MIPOL1: variants seen among roughly 807,000 people sequenced by gnomAD.
MIPOL1 encodes the protein mirror-image polydactyly 1, also known as mirror-image polydactyly gene 1 protein.
Under a neutral mutation model 60.9 loss-of-function variants are expected in MIPOL1, and 57 were observed. The ratio of observed to expected loss-of-function variants is 0.94; its 90% CI spans 0.76 to 1.17. MIPOL1 has a LOEUF of 1.17. Ranked by LOEUF, MIPOL1 falls within the 50% of genes most tolerant of loss-of-function variation. MIPOL1 has a pLI of 0.00. For synonymous variants in MIPOL1, 179 were observed against 168.8 expected (o/e 1.06, Z -0.47); for missense variants, 551 against 511.6 (o/e 1.08, Z -0.74).
chr14:37,259,237 A>G (rs1192595951), intron 3 of MIPOL1, among the ~76,000 whole-genome samples: 2 of 152,068 alleles, frequency 1.3e-5, no homozygotes, highest in Admixed American at 6.6e-5. Flanking sequence ...CTTCTCTTCA[A>G]TATGTGTACA....
chr14:37,241,941 A>T (rs1006598738), intron 1 of MIPOL1, among the ~76,000 whole-genome samples: 6 of 148,288 alleles, frequency 4.0e-5, no homozygotes, highest in Non-Finnish European at 6.0e-5. Context: ...TTTTTAGTCT[A>T]GTTAATCCAA....
At chr14:37,227,363 GTTAA>G (rs1969918942) in intron 1 of MIPOL1, among the ~76,000 whole-genome samples, 1 of 152,082 alleles carries the variant, frequency 6.6e-6, no homozygotes, top group African/African-American at 2.4e-5. Context: ...TTTAAGTGTA[GTTAA>G]TTATTTAACC....
At chr14:37,385,257 A>T (rs2153514376) in intron 10 of MIPOL1, among the ~76,000 whole-genome samples, 1 of 152,204 alleles carries the variant, frequency 6.6e-6, no homozygotes, top group South Asian at 2.1e-4. Flanking sequence ...TTAATATTTA[A>T]TTGGCTACAT....
At chr14:37,250,329 C>G (rs2153361415) in intron 3 of MIPOL1, among the ~76,000 whole-genome samples, 1 of 152,240 alleles carries the variant, frequency 6.6e-6, no homozygotes, top group Middle Eastern at 3.4e-3. Flanking sequence ...AGGTGGGTCA[C>G]TTGAGGTCAG....
intron 9 of MIPOL1, among the ~76,000 whole-genome samples, chr14:37,361,918 A>C (rs1043319565): frequency 5.3e-5 from 8 of 151,988 alleles, no homozygotes; most frequent in African/African-American, 1.5e-4. Flanking sequence ...CTGTTTTATC[A>C]GAGACTAGGA....
At chr14:37,207,958 G>C (rs1241755277) in intron 1 of MIPOL1, among the ~76,000 whole-genome samples, 1 of 152,094 alleles carries the variant, frequency 6.6e-6, no homozygotes. Flanking sequence ...TTATTTCTAA[G>C]CTGGCAACGT....
chr14:37,545,685 T>G (rs565576992), intron 12 of MIPOL1: 1 of 657,676 alleles, frequency 1.5e-6, no homozygotes, highest in African/African-American at 1.8e-5. Flanking sequence ...AGATACAAAA[T>G]CATCCAATAA....
intron 9 of MIPOL1, among the ~76,000 whole-genome samples, chr14:37,335,368 T>C (rs2090030622): frequency 6.6e-6 from 1 of 152,024 alleles, no homozygotes; most frequent in African/African-American, 2.4e-5. Context: ...CCAGAACTGT[T>C]TCATATTGCA....
intron 11 of MIPOL1, among the ~76,000 whole-genome samples, chr14:37,432,436 G>GT (rs1186630802): frequency 1.3e-5 from 2 of 152,164 alleles, no homozygotes; most frequent in East Asian, 3.9e-4. Flanking sequence ...CCTGCACAAT[G>GT]TTTTTTTGTG....
intron 3 of MIPOL1, among the ~76,000 whole-genome samples, chr14:37,261,568 T>C (rs562148019): frequency 2.0e-5 from 3 of 152,204 alleles, no homozygotes; most frequent in Non-Finnish European, 2.9e-5. Flanking sequence ...ATTAAAGATA[T>C]AAATTTGAAT....
intron 1 of MIPOL1, among the ~76,000 whole-genome samples, chr14:37,230,182 G>T (rs1183174637): frequency 6.6e-6 from 1 of 152,068 alleles, no homozygotes; most frequent in Non-Finnish European, 1.5e-5. Flanking sequence ...GTACAATTGT[G>T]ACTTGTCAAG....
At chr14:37,286,768 A>G (rs1363108320) in intron 7 of MIPOL1, among the ~76,000 whole-genome samples, 1 of 152,172 alleles carries the variant, frequency 6.6e-6, no homozygotes, top group African/African-American at 2.4e-5. Context: ...AACTCATTGA[A>G]AAAAACAAAT....
intron 3 of MIPOL1, among the ~76,000 whole-genome samples, chr14:37,258,985 A>C (rs1975430552): frequency 6.6e-6 from 1 of 152,122 alleles, no homozygotes; most frequent in Non-Finnish European, 1.5e-5. Flanking sequence ...AAGTCATTGA[A>C]TTGTTGTATC....
At chr14:37,537,923 C>T (rs2095513619) in intron 12 of MIPOL1, among the ~76,000 whole-genome samples, 3 of 152,322 alleles carry the variant, frequency 2.0e-5, no homozygotes, top group South Asian at 4.1e-4. Flanking sequence ...ACTTCTGCTT[C>T]TGTGTCACAG....
chr14:37,547,322 G>T lies in MIPOL1; in HGVS notation c.*351G>T. The T allele has an allele frequency of 5.1e-6, 1 of 194,666 alleles. No individual in the cohort carries two copies. The highest frequency in any genetic ancestry group is 1.0e-5 in the Non-Finnish European group (1 of 95,386). 12.1% of individuals were successfully genotyped at this position (194,666 alleles called of 1,614,324 possible). On this transcript the variant is annotated 3_prime_UTR_variant, in exon 13 of 13. Transcript: ENST00000684589. ...TGGTTAGGATCATATCTTCACATAT[G>T]GCCCTTTCTGAATCAAAGTGCGGCA...
chr14:37,315,069 T>G (rs556517679), intron 9 of MIPOL1, among the ~76,000 whole-genome samples: 1 of 152,108 alleles, frequency 6.6e-6, no homozygotes, highest in African/African-American at 2.4e-5. Flanking sequence ...AAATAGTTAA[T>G]GTATAGTGAC....
intron 12 of MIPOL1, among the ~76,000 whole-genome samples, chr14:37,518,422 C>T (rs1216822096): frequency 6.6e-6 from 1 of 152,138 alleles, no homozygotes; most frequent in Non-Finnish European, 1.5e-5. Flanking sequence ...GCAACTTCCG[C>T]CTCCCGGGTT....
chr14:37,334,121 A>G (rs890690194), intron 9 of MIPOL1, among the ~76,000 whole-genome samples: 16 of 152,064 alleles, frequency 1.1e-4, no homozygotes, highest in Non-Finnish European at 5.9e-5. Context: ...AAAATATAAT[A>G]ACTGAATAAT....
At chr14:37,228,676 C>T (rs1158236135) in intron 1 of MIPOL1, among the ~76,000 whole-genome samples, 2 of 152,170 alleles carry the variant, frequency 1.3e-5, no homozygotes, top group Non-Finnish European at 2.9e-5. Context: ...TCTTTATCTT[C>T]TCTCTTCAGG....
Sources: allele counts gnomAD v4.1 joint callset (sites outside exome capture counted in the v4.1 genomes callset), GRCh38; gene constraint gnomAD v4.1.1; transcripts MANE v1.5; gene names NCBI Gene and HGNC (gene_info 2026-07-23, HGNC 2026-07-21).